Variants in ERCC6 observed in about 807,000 individuals in gnomAD.
The protein encoded by ERCC6 is ERCC excision repair 6, chromatin remodeling factor, also known as DNA excision repair protein ERCC-6.
ERCC6 carries 116 observed loss-of-function variants against 158.7 expected under a neutral mutation model. The ratio of observed to expected loss-of-function variants is 0.73; its 90% CI spans 0.63 to 0.85. The LOEUF (loss-of-function observed/expected upper bound fraction) is 0.85, where lower values mean the gene tolerates loss of function less well. ERCC6 is among the 40% of genes least tolerant of loss of function. The probability of loss-of-function intolerance (pLI) is 0.00; values close to 1 mark genes in which losing one functional copy is unlikely to be tolerated. For synonymous variants in ERCC6, 678 were observed against 659.3 expected (o/e 1.03, Z -0.43); for missense variants, 1,698 against 1,799.4 (o/e 0.94, Z 1.02).
At chr10:49,452,407 T>G (rs1052470111), downstream of ERCC6, among the ~76,000 whole-genome samples, 1 of 152,072 alleles carries the variant, frequency 6.6e-6, no homozygotes, top group African/African-American at 2.4e-5. Flanking sequence ...ATGTTCCCAT[T>G]TTTTATTTCT....
chr10:49,509,054 A>G (rs553419653), intron 5 of ERCC6, among the ~76,000 whole-genome samples: 21 of 152,258 alleles, frequency 1.4e-4, no homozygotes, highest in African/African-American at 5.1e-4. Flanking sequence ...CAAAAGTCTG[A>G]GCTCAGACTA....
At chr10:49,521,460 A>T (rs145272593) in intron 5 of ERCC6, among the ~76,000 whole-genome samples, 1 of 152,254 alleles carries the variant, frequency 6.6e-6, no homozygotes, top group Non-Finnish European at 1.5e-5. Flanking sequence ...GCAAAGCAGT[A>T]GTATATTTTA....
intron 5 of ERCC6, chr10:49,506,412 G>GATGTT (rs1851444288): frequency 1.1e-5 from 2 of 182,960 alleles, no homozygotes; most frequent in East Asian, 3.0e-4. Context: ...ACAAAAAATA[G>GATGTT]ATTTATAATT....
At chr10:49,523,549 G>A (rs1837227562) in intron 5 of ERCC6, among the ~76,000 whole-genome samples, 1 of 152,206 alleles carries the variant, frequency 6.6e-6, no homozygotes, top group Admixed American at 6.5e-5. Context: ...ACAAAGGAAG[G>A]ATTTACAAAA....
At chr10:49,522,625 T>C (rs898995140) in intron 5 of ERCC6, among the ~76,000 whole-genome samples, 6 of 152,224 alleles carry the variant, frequency 3.9e-5, no homozygotes, top group African/African-American at 1.4e-4. Flanking sequence ...TTGATCAAAA[T>C]ACTGATATAT....
At chr10:49,475,317 T>A (rs1564420610) in intron 12 of ERCC6, 1 of 380,654 alleles carries the variant, frequency 2.6e-6, no homozygotes, top group Non-Finnish European at 5.2e-6. Context: ...TATATCAAAA[T>A]TAATTTCACC....
intron 14 of ERCC6, among the ~76,000 whole-genome samples, 198 bp from the exon 15 acceptor site, chr10:49,473,226 A>C (rs1040308206): frequency 6.6e-6 from 1 of 152,260 alleles, no homozygotes; most frequent in African/African-American, 2.4e-5. Context: ...ATATTTAAAA[A>C]TTGGGTTTTT....
At chr10:49,527,061 G>A (rs1837357287) in intron 4 of ERCC6, among the ~76,000 whole-genome samples, 1 of 152,192 alleles carries the variant, frequency 6.6e-6, no homozygotes, top group Non-Finnish European at 1.5e-5. Context: ...GAGAAGCAGG[G>A]ATCCCACAAG....
In ERCC6 at chr10:49,464,815, TG is replaced by T. The variant is rs1341684113; in HGVS notation, c.3779-3260del. Among the ~76,000 whole-genome samples, 14 of 152,330 alleles carry T rather than the reference TG, an allele frequency of 9.2e-5. No homozygotes were observed. The South Asian group carries it at 2.7e-3, about 29-fold the overall frequency. ...TGCACAGAAGTCAATAACTGAGGTTTGGGAACTTCTGCCTAGATTTCAAAAG... is the reference window on the plus strand; with the variant it reads ...TGCACAGAAGTCAATAACTGAGGTTTGGAACTTCTGCCTAGATTTCAAAAG... On this transcript the variant is annotated intron_variant, in intron 18 of 20. Coordinates refer to ENST00000355832, the MANE Select transcript of ERCC6 (RefSeq NM_000124.4).
intron 11 of ERCC6, among the ~76,000 whole-genome samples, chr10:49,477,564 G>A (rs1194176946): frequency 6.6e-6 from 1 of 152,086 alleles, no homozygotes; most frequent in Non-Finnish European, 1.5e-5. Context: ...AACACACTGG[G>A]TCCTTTCCAG....
intron 14 of ERCC6, 138 bp from the exon 15 acceptor site, chr10:49,473,166 G>T: frequency 8.5e-7 from 1 of 1,173,704 alleles, no homozygotes; most frequent in Non-Finnish European, 1.2e-6. Context: ...AGAGACCTCT[G>T]GTGAATCAAA....
downstream of ERCC6, among the ~76,000 whole-genome samples, chr10:49,452,018 C>T (rs1160815598): frequency 3.3e-5 from 5 of 151,940 alleles, no homozygotes; most frequent in African/African-American, 1.2e-4. Context: ...TATTGGTCAA[C>T]CTAGTGAAAT....
At chr10:49,479,854 T>C (rs1850945984) in intron 10 of ERCC6, among the ~76,000 whole-genome samples, 1 of 152,172 alleles carries the variant, frequency 6.6e-6, no homozygotes, top group Non-Finnish European at 1.5e-5. Context: ...TCCCAGTCTG[T>C]TCCTCTATTC....
intron 5 of ERCC6, among the ~76,000 whole-genome samples, chr10:49,522,707 G>A (rs1248377390): frequency 6.6e-6 from 1 of 152,110 alleles, no homozygotes; most frequent in Non-Finnish European, 1.5e-5. Context: ...TCAATATGTT[G>A]AGATTAACAC....
In ERCC6 at chr10:49,524,377, T is replaced by A. The variant is rs1303870729; in HGVS notation, c.1053A>T (p.Ala351=). Residue 351 remains alanine, a synonymous_variant, in exon 5 of 21, where the codon GCA becomes GCT. Transcript: ENST00000355832. ...TCATGTCTGACTCCCAAGGTCTCCT[T>A]GCCTTTGGCAATCCCACTTTCCCCT... is the stretch of plus-strand genomic sequence containing the variant. The part of the protein sequence containing the change: ...QFQGKVGLPK[A]RRPWESDMRP... 6.2e-7 allele frequency: 1 copy of A among 1,614,212 alleles called. No homozygotes were observed. The highest frequency in any genetic ancestry group is 2.2e-5 in the East Asian group (1 of 44,884).
the ERCC6 span, among the ~76,000 whole-genome samples, chr10:49,435,950 C>T: frequency 2.0e-5 from 3 of 149,812 alleles, no homozygotes; most frequent in African/African-American, 7.4e-5. Context: ...TGCAGTGAGC[C>T]GAGATCGTGC....
chr10:49,513,003 C>T (rs917320962), intron 5 of ERCC6, among the ~76,000 whole-genome samples: 1 of 152,216 alleles, frequency 6.6e-6, no homozygotes, highest in South Asian at 2.1e-4. Flanking sequence ...CCCTCCTTCA[C>T]GGTTCTCACA....
chr10:49,476,240 T>A lies in ERCC6; in HGVS notation c.2357A>T (p.Tyr786Phe). 1.2e-6 allele frequency: 2 copies of A among 1,613,778 alleles called. No homozygotes were observed. The highest frequency in any genetic ancestry group is 1.7e-6 in the Non-Finnish European group (2 of 1,179,696). Residue 786 changes from tyrosine (Y) to phenylalanine (F), a missense_variant, in exon 12 of 21, where the codon TAC becomes TTC. By Grantham distance (22) the Tyr-to-Phe change is conservative. Coordinates refer to ENST00000355832, the MANE Select transcript of ERCC6 (RefSeq NM_000124.4). Reference sequence around the variant, plus strand: ...CTGCATCTCTCCATTGAGAATCCTGTAAACTTCTTTGGAATCAACGAAATT... The same window carrying A: ...CTGCATCTCTCCATTGAGAATCCTGAAAACTTCTTTGGAATCAACGAAATT... ...YQNFVDSKEV[Y>F]RILNGEMQIF...
chr10:49,530,629 T>C, intron 3 of ERCC6, 91 bp downstream of exon 3: 1 of 1,564,952 alleles, frequency 6.4e-7, no homozygotes. Context: ...GCTTCACATC[T>C]TATAAGCACT....
Sources: gnomAD v4.1 joint callset for allele counts (sites outside exome capture counted in the v4.1 genomes callset) on GRCh38, gnomAD v4.1.1 for gene constraint, MANE v1.5 for transcripts, NCBI Gene and HGNC (gene_info 2026-07-23, HGNC 2026-07-21) for gene names.